The following SEMA3A variants were observed in gnomAD, a reference collection of about 807,000 sequenced individuals.
SEMA3A encodes semaphorin-3A.
SEMA3A carries 29 observed loss-of-function variants against 97.9 expected under a neutral mutation model. The ratio of observed to expected loss-of-function variants is 0.30; its 90% CI spans 0.22 to 0.40. The LOEUF (loss-of-function observed/expected upper bound fraction) is 0.40. Among genes scored for constraint, SEMA3A ranks in the 10% least tolerant of loss-of-function variants. The pLI is 1.00. For synonymous variants in SEMA3A, 321 were observed against 323.7 expected (o/e 0.99, Z 0.09); for missense variants, 763 against 951.3 (o/e 0.80, Z 2.60).
At chr7:84,057,789 T>G (rs528149737) in intron 5 of SEMA3A, among the ~76,000 whole-genome samples, 44 of 151,474 alleles carry the variant, frequency 2.9e-4, no homozygotes, top group African/African-American at 1.0e-3. Flanking sequence ...AATAAATAAA[T>G]AAAGACTGGA....
At chr7:84,065,458 TC>T (rs1793441053) in intron 4 of SEMA3A, among the ~76,000 whole-genome samples, 1 of 151,142 alleles carries the variant, frequency 6.6e-6, no homozygotes, top group Non-Finnish European at 1.5e-5. Flanking sequence ...AAAAAACCCT[TC>T]CAAAAATTAA....
intron 5 of SEMA3A, among the ~76,000 whole-genome samples, chr7:84,051,934 T>C (rs1451085997): frequency 6.6e-6 from 1 of 150,478 alleles, no homozygotes; most frequent in Non-Finnish European, 1.5e-5. Context: ...TTGTTGAATT[T>C]TGTCAAAGGC....
intron 1 of SEMA3A, among the ~76,000 whole-genome samples, chr7:84,458,617 T>C (rs1222725945): frequency 1.3e-5 from 2 of 152,060 alleles, no homozygotes; most frequent in Admixed American, 6.6e-5. Flanking sequence ...CTCTAGGCTG[T>C]CAGGTTTGTT....
chr7:84,179,580 C>A (rs1384246900), intron 1 of SEMA3A, among the ~76,000 whole-genome samples: 1 of 152,080 alleles, frequency 6.6e-6, no homozygotes, highest in Non-Finnish European at 1.5e-5. Flanking sequence ...GAATGATAGA[C>A]CAATTTGCTT....
chr7:83,970,146 G>A (rs1184726423), intron 15 of SEMA3A, among the ~76,000 whole-genome samples: 6 of 152,292 alleles, frequency 3.9e-5, no homozygotes, highest in African/African-American at 9.6e-5. Flanking sequence ...GCACCACAGT[G>A]TGTTTGGATA....
At chr7:84,473,295 A>C (rs2116414830) in intron 1 of SEMA3A, among the ~76,000 whole-genome samples, 1 of 151,212 alleles carries the variant, frequency 6.6e-6, no homozygotes, top group African/African-American at 2.4e-5. Context: ...AAAATGAATA[A>C]AATTATTCAC....
chr7:84,293,558 A>G (rs1000893782), intron 3 of SEMA3A, among the ~76,000 whole-genome samples: 2 of 152,040 alleles, frequency 1.3e-5, no homozygotes, highest in African/African-American at 4.8e-5. Flanking sequence ...TAAAAATCTT[A>G]ATTTTAAAAA....
intron 6 of SEMA3A, among the ~76,000 whole-genome samples, chr7:84,016,395 G>A (rs1181270355): frequency 3.9e-5 from 6 of 152,002 alleles, no homozygotes; most frequent in Non-Finnish European, 7.4e-5. Flanking sequence ...AAAATTAGCC[G>A]AGCGTGGTGG....
At chr7:84,156,613 T>C (rs1039563934) in intron 1 of SEMA3A, among the ~76,000 whole-genome samples, 2 of 152,132 alleles carry the variant, frequency 1.3e-5, no homozygotes. Flanking sequence ...ATGTGGCATG[T>C]TTCTGTGGGA....
At chr7:84,088,598 T>A (rs1794461590) in intron 4 of SEMA3A, among the ~76,000 whole-genome samples, 1 of 152,198 alleles carries the variant, frequency 6.6e-6, no homozygotes, top group African/African-American at 2.4e-5. Flanking sequence ...TATGTGTGTG[T>A]CTATATGCTG....
Position 84,203,526 on chromosome 7 carries a change from A to ATATT in SEMA3A, c.-82-8859_-82-8858insAATA, listed in dbSNP as rs372380784. On this transcript the variant is annotated intron_variant, in intron 3 of 3. Coordinates refer to the SEMA3A transcript ENST00000424555. ...TGTATATATATATATATATATATAT[A>ATATT]TTTTTTTTTTTTTTTTTTTTCTGAG... is the stretch of plus-strand genomic sequence containing the variant. Among the ~76,000 whole-genome samples, 115 of 25,672 alleles carry ATATT rather than the reference A, an allele frequency of 4.5e-3. 2 individuals carry two copies. The highest frequency in any genetic ancestry group is 0.01 in the African/African-American group (76 of 7,566). 16.8% of individuals were successfully genotyped at this position (25,672 alleles called of 152,430 possible). A position where few individuals can be genotyped will look rare whatever the true frequency, so the allele number is the denominator to read the frequency against.
At chr7:84,293,449 C>G (rs1469470693) in intron 3 of SEMA3A, among the ~76,000 whole-genome samples, 1 of 151,896 alleles carries the variant, frequency 6.6e-6, no homozygotes, top group Non-Finnish European at 1.5e-5. Context: ...ATTTGTAAAG[C>G]AAGACAATAT....
At chr7:84,103,724 G>A (rs1024185513) in intron 4 of SEMA3A, among the ~76,000 whole-genome samples, 2 of 151,890 alleles carry the variant, frequency 1.3e-5, no homozygotes, top group Non-Finnish European at 2.9e-5. Context: ...AGGAGACAAA[G>A]AGGTAAAAAA....
intron 4 of SEMA3A, among the ~76,000 whole-genome samples, chr7:84,068,941 G>C (rs1033268198): frequency 6.6e-6 from 1 of 152,058 alleles, no homozygotes; most frequent in Non-Finnish European, 1.5e-5. Context: ...TAAATACTAA[G>C]TTAGTCACCT....
At chr7:83,984,028 T>C (rs1185459534) in intron 13 of SEMA3A, among the ~76,000 whole-genome samples, 3 of 152,166 alleles carry the variant, frequency 2.0e-5, no homozygotes, top group Non-Finnish European at 4.4e-5. Context: ...TCTTCTCTCA[T>C]GGTATTTTAA....
At chr7:84,403,041 GAGTGGGTGCAGGAC>G (rs1803952088) in intron 1 of SEMA3A, among the ~76,000 whole-genome samples, 1 of 152,080 alleles carries the variant, frequency 6.6e-6, no homozygotes, top group South Asian at 2.1e-4. Context: ...GAGTGCCGGA[GAGTGGGTGCAGGAC>G]AGTGGGTGCA....
chr7:84,081,682 A>G (rs896084947), intron 4 of SEMA3A, among the ~76,000 whole-genome samples: 1 of 152,090 alleles, frequency 6.6e-6, no homozygotes, highest in African/African-American at 2.4e-5. Flanking sequence ...CAGTCTCTAA[A>G]AACTATGCAA....
At chr7:84,243,581 T>C (rs987124403) in intron 3 of SEMA3A, among the ~76,000 whole-genome samples, 2 of 151,968 alleles carry the variant, frequency 1.3e-5, no homozygotes, top group African/African-American at 4.8e-5. Flanking sequence ...ATTTTGTTAA[T>C]CTTTGCAAAA....
intron 1 of SEMA3A, among the ~76,000 whole-genome samples, chr7:84,377,228 T>C (rs1803125961): frequency 6.7e-6 from 1 of 150,126 alleles, no homozygotes; most frequent in Non-Finnish European, 1.5e-5. Context: ...GTTTCATCTT[T>C]CTGCTTGTGG....
Sources: gnomAD v4.1 joint callset for allele counts (sites outside exome capture counted in the v4.1 genomes callset) on GRCh38, gnomAD v4.1.1 for gene constraint, MANE v1.5 for transcripts, NCBI Gene and HGNC (gene_info 2026-07-23, HGNC 2026-07-21) for gene names.